Variants in PLEKHG1 observed in about 807,000 individuals in gnomAD.
The protein encoded by PLEKHG1 is pleckstrin homology domain-containing family G member 1.
In PLEKHG1, 44 loss-of-function variants were observed where a neutral mutation model predicts 100.8. The observed-to-expected ratio is 0.44, with a 90% confidence interval of 0.34 to 0.56. The LOEUF (loss-of-function observed/expected upper bound fraction) is 0.56. Among genes scored for constraint, PLEKHG1 ranks in the 20% least tolerant of loss-of-function variants. PLEKHG1 has a pLI of 0.01. For synonymous variants in PLEKHG1, 640 were observed against 662.5 expected (o/e 0.97, Z 0.52); for missense variants, 1,545 against 1,720.9 (o/e 0.90, Z 1.81).
chr6:150,624,553 C>G (rs555556667), intron 1 of PLEKHG1: 1 of 152,350 alleles, frequency 6.6e-6, no homozygotes, highest in African/African-American at 2.4e-5. Context: ...ATCGTGATGG[C>G]TCCTGGAGGC....
At chr6:150,617,859 G>A (rs549053090) in intron 1 of PLEKHG1, among the ~76,000 whole-genome samples, 7 of 152,166 alleles carry the variant, frequency 4.6e-5, no homozygotes, top group Non-Finnish European at 1.0e-4. Context: ...CCTGGGGTGT[G>A]GGAACAGGTC....
intron 2 of PLEKHG1, among the ~76,000 whole-genome samples, chr6:150,745,373 A>G (rs79425632): frequency 0.067 from 10,244 of 152,212 alleles, 459 homozygotes; most frequent in Admixed American, 0.14. Context: ...GACGCATAAC[A>G]TATGTGTTCT....
intron 1 of PLEKHG1, among the ~76,000 whole-genome samples, chr6:150,626,712 C>T (rs569194732): frequency 2.6e-5 from 4 of 152,288 alleles, no homozygotes; most frequent in African/African-American, 9.6e-5. Context: ...CAAAGGCACA[C>T]AAGCAATTCA....
At chr6:150,742,056 T>C (rs981493880) in intron 2 of PLEKHG1, among the ~76,000 whole-genome samples, 1 of 152,228 alleles carries the variant, frequency 6.6e-6, no homozygotes, top group Admixed American at 6.5e-5. Flanking sequence ...TAGTGTTTCA[T>C]TAAGGATAGG....
chr6:150,603,158 C>G (rs907612236), intron 1 of PLEKHG1, among the ~76,000 whole-genome samples: 1 of 149,088 alleles, frequency 6.7e-6, no homozygotes, highest in Non-Finnish European at 1.5e-5. Flanking sequence ...AATATGGTTT[C>G]TAATGCGAAA....
At position 150,725,380 on chromosome 6, in the gene PLEKHG1, A is replaced by G. The variant is rs11969828; in HGVS notation, c.-99+4180A>G. Among the ~76,000 whole-genome samples, 180 of 152,360 alleles carry G rather than the reference A, an allele frequency of 1.2e-3. 2 individuals are homozygous for G. The highest frequency in any genetic ancestry group is 3.4e-3 in the African/African-American group (142 of 41,590). On this transcript the variant is annotated intron_variant, in intron 1 of 15. Coordinates refer to ENST00000358517, the Ensembl canonical transcript of PLEKHG1. ...ACATTCATACCATAGCAATTAATAT[A>G]GGAATCAATCGGTAAATTATCTGAG...
At chr6:150,798,899 C>T (rs892974047) in intron 5 of PLEKHG1, among the ~76,000 whole-genome samples, 1 of 152,154 alleles carries the variant, frequency 6.6e-6, no homozygotes, top group African/African-American at 2.4e-5. Context: ...TGCCACCACA[C>T]CCATCTAATT....
At chr6:150,704,661 C>A (rs1160469130) in intron 3 of PLEKHG1, among the ~76,000 whole-genome samples, 1 of 152,252 alleles carries the variant, frequency 6.6e-6, no homozygotes, top group Non-Finnish European at 1.5e-5. Flanking sequence ...TGCTCTTGGG[C>A]AGGGCCCAGC....
At chr6:150,635,498 GTTC>G (rs755368166) in intron 1 of PLEKHG1, among the ~76,000 whole-genome samples, 22 of 152,252 alleles carry the variant, frequency 1.4e-4, no homozygotes, top group African/African-American at 2.6e-4. Context: ...AGCTAATTTT[GTTC>G]TTCTTAATGT....
rs540359619 is a variant in PLEKHG1, at chr6:150,781,929, G to A, written c.513-4461G>A. Among the ~76,000 whole-genome samples the A allele has an allele frequency of 2.4e-3, 362 of 150,982 alleles. 1 individual carries two copies. The highest frequency in any genetic ancestry group is 4.2e-3 in the Non-Finnish European group (285 of 67,858). ...TGGGACTACAGGTGCCTGCCACCAC[G>A]CCCGGCTAATTTTTTTTTTTTTGTA... On this transcript the variant is annotated intron_variant, in intron 3 of 15. Coordinates refer to ENST00000358517, the Ensembl canonical transcript of PLEKHG1.
At chr6:150,661,842 G>A (rs17080062) in intron 3 of PLEKHG1, among the ~76,000 whole-genome samples, 13,437 of 152,256 alleles carry the variant, frequency 0.088, 674 homozygotes, top group South Asian at 0.17. Context: ...TGATTATGTA[G>A]CACTTGAACA....
intron 1 of PLEKHG1, among the ~76,000 whole-genome samples, chr6:150,618,206 T>G (rs1777148072): frequency 6.6e-6 from 1 of 152,216 alleles, no homozygotes; most frequent in Non-Finnish European, 1.5e-5. Context: ...TCTTTTACAT[T>G]AATGAGTAAG....
intron 15 of PLEKHG1, among the ~76,000 whole-genome samples, chr6:150,833,643 G>A (rs1205510912): frequency 1.3e-5 from 2 of 152,204 alleles, no homozygotes; most frequent in Non-Finnish European, 2.9e-5. Flanking sequence ...GCTCTTGCCT[G>A]AGGAGCTTTT....
intron 4 of PLEKHG1, among the ~76,000 whole-genome samples, chr6:150,789,921 G>A (rs1237088625): frequency 6.6e-6 from 1 of 152,196 alleles, no homozygotes; most frequent in East Asian, 1.9e-4. Flanking sequence ...TAGCAGTCGA[G>A]GTGTTTGCCT....
In PLEKHG1 at chr6:150,734,980, A is replaced by ATTTT. The variant is rs397888221; in HGVS notation, c.411+908_411+911dup. 1.2e-4 allele frequency among the ~76,000 whole-genome samples: 12 copies of ATTTT among 102,890 alleles called. 1 individual carries two copies. Among genetic ancestry groups the ATTTT allele is most frequent in the East Asian group, 8.5e-4 (3 of 3,522 alleles). 67.5% of individuals were successfully genotyped at this position (102,890 alleles called of 152,430 possible). ...AAAAATATTACTATCTCAAGGGCAG[A>ATTTT]TTTTTTTTTTTTTTTTTTTTTTTGA... On this transcript the variant is annotated intron_variant, in intron 2 of 15. Transcript: ENST00000358517.
At chr6:150,839,354 G>C (rs1452598495) in intron 15 of PLEKHG1, among the ~76,000 whole-genome samples, 1 of 152,188 alleles carries the variant, frequency 6.6e-6, no homozygotes, top group Admixed American at 6.5e-5. Flanking sequence ...GACCTCAAGT[G>C]ATCCACCTGG....
At chr6:150,618,925 T>G (rs994311448) in intron 1 of PLEKHG1, among the ~76,000 whole-genome samples, 1 of 151,978 alleles carries the variant, frequency 6.6e-6, no homozygotes, top group Admixed American at 6.6e-5. Flanking sequence ...TAAAGAAAAT[T>G]TTTTTTAAAT....
Position 150,683,407 on chromosome 6 carries a change from G to A in PLEKHG1, c.-99+32621G>A, listed in dbSNP as rs1779999813. ...ATTACAATAAGACAGGTTCCGGAGGGAAATGACTTCATGGGCTCACTGTTG... is the reference window on the plus strand; with the variant it reads ...ATTACAATAAGACAGGTTCCGGAGGAAAATGACTTCATGGGCTCACTGTTG... On this transcript the variant is annotated intron_variant, in intron 3 of 3. Coordinates refer to the PLEKHG1 transcript ENST00000367326. The surrounding 1 kb of genome is among the most constrained non-coding windows in gnomAD (Gnocchi z 4.0). 6.6e-6 allele frequency among the ~76,000 whole-genome samples: 1 copy of A among 151,930 alleles called. No homozygotes were observed. Among genetic ancestry groups the A allele is most frequent in the Admixed American group, 6.6e-5 (1 of 15,258 alleles).
intron 3 of PLEKHG1, among the ~76,000 whole-genome samples, chr6:150,711,504 G>C (rs1781240896): frequency 6.6e-6 from 1 of 152,186 alleles, no homozygotes; most frequent in Non-Finnish European, 1.5e-5. Context: ...TCGATGATTT[G>C]TGCAGGGATG....
Sources: gnomAD v4.1 joint callset for allele counts (sites outside exome capture counted in the v4.1 genomes callset) on GRCh38, gnomAD v4.1.1 for gene constraint, Gnocchi (gnomAD v3.1) non-coding constraint, MANE v1.5 for transcripts, NCBI Gene and HGNC (gene_info 2026-07-23, HGNC 2026-07-21) for gene names.